PTPN5: variants seen among roughly 807,000 people sequenced by gnomAD.
The protein encoded by PTPN5 is tyrosine-protein phosphatase non-receptor type 5.
In PTPN5, 29 loss-of-function variants were observed where a neutral mutation model predicts 73.9. That is an observed-to-expected ratio of 0.39 (90% CI 0.29 to 0.54). The LOEUF is 0.54. PTPN5 is among the 20% of genes least tolerant of loss of function. The pLI is 0.65. For missense variants in PTPN5, 652 were observed against 751.4 expected (o/e 0.87, Z 1.55); for synonymous variants, 267 against 304.7 (o/e 0.88, Z 1.29).
At chr11:18,755,998 TAA>T (rs1207016375) in intron 3 of PTPN5, among the ~76,000 whole-genome samples, 1 of 34,062 alleles carries the variant, frequency 2.9e-5, no homozygotes, top group East Asian at 1.3e-3. Context: ...AGTGAGACTC[TAA>T]ATAAAAAAAA....
intron 3 of PTPN5, among the ~76,000 whole-genome samples, chr11:18,752,756 C>T (rs1849949008): frequency 6.6e-6 from 1 of 152,202 alleles, no homozygotes; most frequent in Non-Finnish European, 1.5e-5. Flanking sequence ...GTTGCTTCCC[C>T]CAGCAGCTGC....
intron 3 of PTPN5, chr11:18,749,457 G>C (rs1210961975): frequency 1.9e-6 from 1 of 517,572 alleles, no homozygotes; most frequent in African/African-American, 1.9e-5. Flanking sequence ...CAGCAAGGCA[G>C]GGAGGTCCTA....
At chr11:18,788,714 G>C (rs1282088286) in intron 1 of PTPN5, among the ~76,000 whole-genome samples, 1 of 152,210 alleles carries the variant, frequency 6.6e-6, no homozygotes, top group Non-Finnish European at 1.5e-5. Context: ...GGAAAGGACA[G>C]GCAATACGAC....
At chr11:18,762,550 A>T (rs1024389921) in intron 3 of PTPN5, among the ~76,000 whole-genome samples, 4 of 152,126 alleles carry the variant, frequency 2.6e-5, no homozygotes, top group Admixed American at 6.5e-5. Context: ...ACAATGTCAA[A>T]CCATTCCCCA....
At chr11:18,744,620 T>C (rs541569331) in intron 3 of PTPN5, among the ~76,000 whole-genome samples, 2 of 151,228 alleles carry the variant, frequency 1.3e-5, no homozygotes, top group African/African-American at 4.9e-5. Context: ...GCCCTGTGGA[T>C]TTTTGTCTCA....
Position 18,771,862 on chromosome 11 carries a change from C to A in PTPN5, c.20+77G>T, listed in dbSNP as rs569178014. Reference sequence around the variant, plus strand: ...CACCTCATGAGAATGGGTCACGTGTCCCAGAGCATCCAGATGGAGAAGGCT... The same window carrying A: ...CACCTCATGAGAATGGGTCACGTGTACCAGAGCATCCAGATGGAGAAGGCT... On this transcript the variant is annotated intron_variant, in intron 2 of 14. Coordinates refer to ENST00000358540, the MANE Select transcript of PTPN5 (RefSeq NM_006906.2). 7 of 1,280,650 alleles carry A rather than the reference C, an allele frequency of 5.5e-6. No individual in the cohort carries two copies. The African/African-American group carries it at 1.0e-4, about 19-fold the overall frequency. The allele number at this position is 1,280,650 out of a possible 1,614,324, so 79.3% of individuals were successfully genotyped here. A position where few individuals can be genotyped will look rare whatever the true frequency, so the allele number is the denominator to read the frequency against.
At chr11:18,771,561 C>A (rs758897042) in intron 2 of PTPN5, among the ~76,000 whole-genome samples, 1 of 152,208 alleles carries the variant, frequency 6.6e-6, no homozygotes, top group African/African-American at 2.4e-5. Flanking sequence ...ATCCTCACCC[C>A]CTCAACCACC....
intron 3 of PTPN5, among the ~76,000 whole-genome samples, chr11:18,756,921 C>T (rs9795194): frequency 4.8e-5 from 4 of 83,256 alleles, no homozygotes; most frequent in East Asian, 5.3e-4. Flanking sequence ...AAGACTCCAT[C>T]AAAAAAAAAA....
At chr11:18,770,793 C>T (rs1338604050) in intron 2 of PTPN5, among the ~76,000 whole-genome samples, 1 of 152,228 alleles carries the variant, frequency 6.6e-6, no homozygotes, top group Non-Finnish European at 1.5e-5. Context: ...GCTACGCCAC[C>T]AGTGCTGGGT....
chr11:18,749,876 G>T (rs184710654), intron 3 of PTPN5, among the ~76,000 whole-genome samples: 2 of 152,320 alleles, frequency 1.3e-5, no homozygotes, highest in East Asian at 3.9e-4. Flanking sequence ...GGAGTGGAAG[G>T]CTGGCTCAGT....
rs374039309 is a variant in PTPN5, at chr11:18,767,669, T to C, written c.21-1786A>G. On this transcript the variant is annotated intron_variant, in intron 2 of 14. Transcript: ENST00000358540. ...CTGCCCCAGGCAATGGAAAGTGGCATGGTGAACGCTTCTCCAGAAGAGAGG... is the reference window on the plus strand; with the variant it reads ...CTGCCCCAGGCAATGGAAAGTGGCACGGTGAACGCTTCTCCAGAAGAGAGG... Among the ~76,000 whole-genome samples, 36 of 152,362 alleles carry C rather than the reference T, an allele frequency of 2.4e-4. No individual in the cohort carries two copies. The South Asian group carries it at 5.8e-3, about 25-fold the overall frequency.
At chr11:18,732,029 C>T (rs1848900220) in intron 12 of PTPN5, among the ~76,000 whole-genome samples, 2 of 152,192 alleles carry the variant, frequency 1.3e-5, no homozygotes, top group Admixed American at 1.3e-4. Context: ...GGGAGGATAC[C>T]TTCTCCCACT....
chr11:18,731,354 A>G (rs1300721301), intron 12 of PTPN5, among the ~76,000 whole-genome samples: 1 of 152,010 alleles, frequency 6.6e-6, no homozygotes, highest in Non-Finnish European at 1.5e-5. Flanking sequence ...CATCTTATAC[A>G]ATGCTTCTCA....
intron 3 of PTPN5, among the ~76,000 whole-genome samples, chr11:18,755,682 T>C (rs1263947390): frequency 6.6e-6 from 1 of 151,836 alleles, no homozygotes; most frequent in Non-Finnish European, 1.5e-5. Flanking sequence ...TCAAGCTAGG[T>C]GATGTTCAAC....
At chr11:18,748,477 C>A (rs72880799) in intron 3 of PTPN5, among the ~76,000 whole-genome samples, 3 of 152,096 alleles carry the variant, frequency 2.0e-5, no homozygotes, top group African/African-American at 4.8e-5. Flanking sequence ...TACTGGGCAA[C>A]TGGTAGATGT....
intron 3 of PTPN5, among the ~76,000 whole-genome samples, chr11:18,762,333 C>T (rs2134287473): frequency 6.6e-6 from 1 of 152,146 alleles, no homozygotes; most frequent in Middle Eastern, 3.4e-3. Flanking sequence ...ATTTTTATAC[C>T]ATCATTATGC....
chr11:18,761,185 G>A lies in PTPN5; in HGVS notation c.97+4622C>T, dbSNP rs371656488. Among the ~76,000 whole-genome samples, 3 of 152,222 alleles carry A rather than the reference G, an allele frequency of 2.0e-5. No individual in the cohort carries two copies. In the South Asian group the frequency reaches 6.2e-4, roughly 32 times the overall value. On this transcript the variant is annotated intron_variant, in intron 3 of 14. Coordinates refer to ENST00000358540, the MANE Select transcript of PTPN5 (RefSeq NM_006906.2). ...TCCCTGCAGGCCTGCCCACGAGTCTGCATGATGATGCTGCTGAGAGCAACA... is the reference window on the plus strand; with the variant it reads ...TCCCTGCAGGCCTGCCCACGAGTCTACATGATGATGCTGCTGAGAGCAACA...
In PTPN5 at chr11:18,729,211, C is replaced by A. The variant is rs1268693687; in HGVS notation, c.1605-184G>T. 6.6e-6 allele frequency among the ~76,000 whole-genome samples: 1 copy of A among 152,180 alleles called. No homozygotes were observed. Among genetic ancestry groups the A allele is most frequent in the Non-Finnish European group, 1.5e-5 (1 of 68,020 alleles). On this transcript the variant is annotated intron_variant, in intron 14 of 14. Coordinates refer to ENST00000358540, the MANE Select transcript of PTPN5 (RefSeq NM_006906.2). This position sits in a 1 kb window ranked among gnomAD's most constrained non-coding sequence, Gnocchi z 5.2. ...CAGGGACACAGATGACATGTCCTAC[C>A]ACTTTCGGCCTCTGTCCTTTTATCC...
chr11:18,740,458 G>A (rs1413550511), intron 8 of PTPN5, 145 bp downstream of exon 8: 6 of 643,786 alleles, frequency 9.3e-6, no homozygotes, highest in Middle Eastern at 6.2e-4. Flanking sequence ...AAAGCAGCTT[G>A]CCCAAGATGG....
Sources: allele counts gnomAD v4.1 joint callset (sites outside exome capture counted in the v4.1 genomes callset), GRCh38; gene constraint gnomAD v4.1.1; non-coding constraint Gnocchi (gnomAD v3.1); transcripts MANE v1.5; gene names NCBI Gene and HGNC (gene_info 2026-07-23, HGNC 2026-07-21).